The following ZBTB20 variants were observed in gnomAD, a reference collection of about 807,000 sequenced individuals.
ZBTB20 encodes the protein zinc finger and BTB domain containing 20, also known as zinc finger and BTB domain-containing protein 20.
Under a neutral mutation model 56.9 loss-of-function variants are expected in ZBTB20, and 9 were observed. The ratio of observed to expected loss-of-function variants is 0.16; its 90% confidence interval spans 0.10 to 0.28. The LOEUF (loss-of-function observed/expected upper bound fraction) is 0.28. Ranked by LOEUF, ZBTB20 falls within the 10% of genes least tolerant of loss-of-function variation. The pLI is 1.00. For synonymous variants in ZBTB20, 417 were observed against 420.7 expected (o/e 0.99, Z 0.11); for missense variants, 655 against 1,003.0 (o/e 0.65, Z 4.69).
At chr3:114,520,735 C>G (rs865970573) in intron 6 of ZBTB20, among the ~76,000 whole-genome samples, 3 of 152,148 alleles carry the variant, frequency 2.0e-5, no homozygotes, top group African/African-American at 4.8e-5. Flanking sequence ...GACCTCTAAC[C>G]CTTTATATCA....
intron 6 of ZBTB20, among the ~76,000 whole-genome samples, chr3:114,601,899 A>T (rs1352188834): frequency 6.6e-6 from 1 of 152,020 alleles, no homozygotes; most frequent in Non-Finnish European, 1.5e-5. Context: ...AGTGCCAACC[A>T]AGGAATATTA....
intron 4 of ZBTB20, among the ~76,000 whole-genome samples, chr3:114,803,215 T>G (rs2071851957): frequency 6.6e-6 from 1 of 151,360 alleles, no homozygotes; most frequent in South Asian, 2.1e-4. Context: ...TGGTCACAAC[T>G]ATCCTTCCAG....
chr3:114,575,454 A>AT (rs1315674502), intron 6 of ZBTB20, among the ~76,000 whole-genome samples: 2 of 152,158 alleles, frequency 1.3e-5, no homozygotes, highest in Non-Finnish European at 2.9e-5. Flanking sequence ...AAAGCACAGT[A>AT]TTTTTTATCC....
At chr3:114,572,456 T>C (rs1241787020) in intron 6 of ZBTB20, among the ~76,000 whole-genome samples, 1 of 152,176 alleles carries the variant, frequency 6.6e-6, no homozygotes, top group African/African-American at 2.4e-5. Flanking sequence ...GAACCTGAGG[T>C]ATACAAAGAT....
At chr3:114,478,966 T>C (rs2041195579) in intron 7 of ZBTB20, among the ~76,000 whole-genome samples, 1 of 152,138 alleles carries the variant, frequency 6.6e-6, no homozygotes, top group South Asian at 2.1e-4. Flanking sequence ...ATCTGTATTA[T>C]AAAAAATGTG....
intron 2 of ZBTB20, among the ~76,000 whole-genome samples, chr3:115,065,285 G>A (rs1042765319): frequency 6.6e-6 from 1 of 152,042 alleles, no homozygotes; most frequent in Non-Finnish European, 1.5e-5. Context: ...CTATCTCTCT[G>A]AGTATATTAA....
intron 6 of ZBTB20, among the ~76,000 whole-genome samples, chr3:114,592,827 A>G (rs1454781203): frequency 1.3e-5 from 2 of 152,142 alleles, no homozygotes; most frequent in Non-Finnish European, 2.9e-5. Flanking sequence ...TATTCTATAA[A>G]AATCTATATT....
intron 7 of ZBTB20, among the ~76,000 whole-genome samples, chr3:114,410,328 C>A (rs142309595): frequency 6.6e-6 from 1 of 151,860 alleles, no homozygotes; most frequent in Non-Finnish European, 1.5e-5. Context: ...GGGACAGAAC[C>A]GTATCCAGAG....
intron 4 of ZBTB20, among the ~76,000 whole-genome samples, chr3:114,824,257 G>A (rs1355420191): frequency 6.6e-6 from 1 of 151,868 alleles, no homozygotes. Flanking sequence ...TTACATTTGT[G>A]TTTATATGTT....
chr3:114,371,526 A>T (rs918532397), intron 10 of ZBTB20, among the ~76,000 whole-genome samples: 5 of 152,206 alleles, frequency 3.3e-5, no homozygotes, highest in African/African-American at 1.2e-4. Flanking sequence ...ACAAGACTCT[A>T]AGTCTCTGAG....
intron 7 of ZBTB20, among the ~76,000 whole-genome samples, chr3:114,477,962 C>T (rs1283256556): frequency 2.7e-5 from 3 of 111,962 alleles, no homozygotes; most frequent in South Asian, 3.3e-4. Flanking sequence ...TCCCACCCTC[C>T]CTCTCTCTCT....
chr3:114,364,635 C>G (rs922269090), intron 10 of ZBTB20, among the ~76,000 whole-genome samples: 2 of 152,206 alleles, frequency 1.3e-5, no homozygotes, highest in African/African-American at 4.8e-5. Context: ...AACACTTAAT[C>G]AACAGTTACG....
At chr3:114,969,289 T>C (rs940620578) in intron 3 of ZBTB20, among the ~76,000 whole-genome samples, 1 of 152,190 alleles carries the variant, frequency 6.6e-6, no homozygotes, top group African/African-American at 2.4e-5. Context: ...TCTCCTCTAG[T>C]ATTATTTGTG....
At chr3:114,827,306 G>C (rs1008014839) in intron 4 of ZBTB20, among the ~76,000 whole-genome samples, 16 of 151,582 alleles carry the variant, frequency 1.1e-4, no homozygotes, top group African/African-American at 3.9e-4. Flanking sequence ...CTCGAATATT[G>C]CAAGTATTAA....
chr3:114,907,149 T>A (rs2075350791), intron 3 of ZBTB20, among the ~76,000 whole-genome samples: 2 of 151,794 alleles, frequency 1.3e-5, no homozygotes, highest in South Asian at 4.1e-4. Context: ...TTCTATGTAC[T>A]ACTTGCAGAA....
At chr3:114,474,110 T>C (rs1016345461) in intron 7 of ZBTB20, among the ~76,000 whole-genome samples, 1 of 152,174 alleles carries the variant, frequency 6.6e-6, no homozygotes, top group African/African-American at 2.4e-5. Context: ...ATCATGAGAA[T>C]AGCACAGGAA....
Position 115,001,870 on chromosome 3 carries a change from G to GTGGA in ZBTB20, c.-506-27455_-506-27454insTCCA, listed in dbSNP as rs1421595393. On this transcript the variant is annotated intron_variant, in intron 2 of 11. Coordinates refer to ENST00000675478, the MANE Select transcript of ZBTB20 (RefSeq NM_001348800.3). ...ATAATCCCAATCAAAATCCCACAAA[G>GTGGA]TTATTTTGTGGATATTCACAAACTG... is the stretch of plus-strand genomic sequence containing the variant. Among the ~76,000 whole-genome samples, 97 of 151,382 alleles carry GTGGA rather than the reference G, an allele frequency of 6.4e-4. 1 individual carries two copies. The highest frequency in any genetic ancestry group is 3.4e-3 in the Middle Eastern group (1 of 294).
chr3:114,702,128 A>G (rs1159462698), intron 5 of ZBTB20, among the ~76,000 whole-genome samples: 2 of 152,084 alleles, frequency 1.3e-5, no homozygotes, highest in Non-Finnish European at 2.9e-5. Context: ...GCTTGAGCCC[A>G]GGAGTTTGAG....
chr3:114,910,668 CATT>C (rs1451915218), intron 3 of ZBTB20, among the ~76,000 whole-genome samples: 7 of 151,808 alleles, frequency 4.6e-5, no homozygotes, highest in Admixed American at 2.6e-4. Context: ...GTTTTATTTT[CATT>C]ATTATCACAA....
Sources: gnomAD v4.1 joint callset for allele counts (sites outside exome capture counted in the v4.1 genomes callset) on GRCh38, gnomAD v4.1.1 for gene constraint, MANE v1.5 for transcripts, NCBI Gene and HGNC (gene_info 2026-07-23, HGNC 2026-07-21) for gene names.